WSCD2: variants seen among roughly 807,000 people sequenced by gnomAD.
WSCD2 encodes WSC domain sialate O sulfotransferase 2, also known as sialate:O-sulfotransferase 2.
In WSCD2, 28 loss-of-function variants were observed where a neutral mutation model predicts 55.7. That is an observed-to-expected ratio of 0.50 (90% confidence interval 0.37 to 0.69). WSCD2 has a LOEUF of 0.69. Ranked by LOEUF, WSCD2 falls within the 30% of genes least tolerant of loss-of-function variation. The pLI, the probability that WSCD2 is intolerant of heterozygous loss-of-function variation, is 0.00. For synonymous variants in WSCD2, 301 were observed against 301.9 expected (o/e 1.00, Z 0.03); for missense variants, 616 against 762.1 (o/e 0.81, Z 2.26).
chr12:108,147,028 A>G (rs995944149), intron 1 of WSCD2, among the ~76,000 whole-genome samples: 1 of 152,244 alleles, frequency 6.6e-6, no homozygotes, highest in Admixed American at 6.5e-5. Flanking sequence ...TCAAGTATAT[A>G]ATGAGAGTGA....
rs544504230 is a variant in WSCD2 at position 108,149,744 on chromosome 12, C to T, written c.-552+19818C>T. The T allele has an allele frequency of 5.3e-5, 8 of 152,314 alleles. 1 individual carries two copies. The highest frequency in any genetic ancestry group is 1.7e-4 in the African/African-American group (7 of 41,548). The allele number at this position is 152,314 out of a possible 1,614,324, so 9.4% of individuals were successfully genotyped here. ...TTGGTAAACAAGTATTTATTGAGCACCTGTTGTAGATACAACAGTGAACAA... is the reference window on the plus strand; with the variant it reads ...TTGGTAAACAAGTATTTATTGAGCATCTGTTGTAGATACAACAGTGAACAA... On this transcript the variant is annotated intron_variant, in intron 1 of 8. Coordinates refer to ENST00000547525, the MANE Select transcript of WSCD2 (RefSeq NM_014653.4).
intron 1 of WSCD2, among the ~76,000 whole-genome samples, chr12:108,176,558 C>T (rs904466670): frequency 6.6e-6 from 1 of 152,218 alleles, no homozygotes; most frequent in Non-Finnish European, 1.5e-5. Flanking sequence ...TGTTCATTCA[C>T]CATTTGTTTG....
chr12:108,153,026 C>A (rs1878170795), intron 1 of WSCD2, among the ~76,000 whole-genome samples: 1 of 152,074 alleles, frequency 6.6e-6, no homozygotes, highest in African/African-American at 2.4e-5. Context: ...ATCGCTTGAA[C>A]CTGGAGGCAG....
At chr12:108,227,845 C>T (rs115814201) in intron 6 of WSCD2, among the ~76,000 whole-genome samples, 1,675 of 151,818 alleles carry the variant, frequency 0.011, 20 homozygotes, top group African/African-American at 0.032. Flanking sequence ...ATAAGAGTGA[C>T]GCTGATAGTG....
rs975240664 is a variant in WSCD2 at position 108,175,741 on chromosome 12, G to A, written c.-551-19541G>A. Among the ~76,000 whole-genome samples the A allele has an allele frequency of 6.6e-5, 10 of 152,352 alleles. No individual in the cohort carries two copies. In the East Asian group the frequency reaches 1.3e-3, roughly 21 times the overall value. ...TCAGGCGCCTAGAATAAGTGAGCAG[G>A]CGTTAATCCTCTTGGAAGCATCCCT... On this transcript the variant is annotated intron_variant, in intron 1 of 8. Coordinates refer to ENST00000547525, the MANE Select transcript of WSCD2 (RefSeq NM_014653.4).
chr12:108,177,301 T>C (rs1483160467), intron 1 of WSCD2, among the ~76,000 whole-genome samples: 2 of 152,198 alleles, frequency 1.3e-5, no homozygotes, highest in Non-Finnish European at 2.9e-5. Context: ...TGAAGTAATG[T>C]GGAGAGAGCT....
Position 108,222,040 on chromosome 12 carries a change from C to T in WSCD2, c.683-2699C>T, listed in dbSNP as rs866826518. On this transcript the variant is annotated intron_variant, in intron 4 of 8. Transcript: ENST00000547525. ...CAATGAGCAACTTCAGGCTATCAGG[C>T]GCCATGTGGTAGAAAGAATCACTAG... Among the ~76,000 whole-genome samples the T allele has an allele frequency of 4.6e-5, 7 of 152,270 alleles. No homozygotes were observed. In the South Asian group the frequency reaches 8.3e-4, roughly 18 times the overall value.
Position 108,224,844 on chromosome 12 carries a change from A to G in WSCD2, c.788A>G (p.Asp263Gly). 1 of 1,613,548 alleles carries G rather than the reference A, an allele frequency of 6.2e-7. No homozygotes were observed. The highest frequency in any genetic ancestry group is 8.5e-7 in the Non-Finnish European group (1 of 1,180,016). Residue 263 changes from aspartate to glycine, a missense_variant, in exon 5 of 9, where the codon GAC becomes GGC. Coordinates refer to ENST00000547525, the MANE Select transcript of WSCD2 (RefSeq NM_014653.4). ...AACATGTCTGTGGACAAATGCGTGGACTTCTGCACTGAGAAGGTGAGCACA... is the reference window on the plus strand; with the variant it reads ...AACATGTCTGTGGACAAATGCGTGGGCTTCTGCACTGAGAAGGTGAGCACA... ...MLNMSVDKCV[D>G]FCTEKEYPLA...
chr12:108,149,675 C>T (rs149635240), intron 1 of WSCD2, among the ~76,000 whole-genome samples: 174 of 152,278 alleles, frequency 1.1e-3, no homozygotes, highest in African/African-American at 4.0e-3. Flanking sequence ...TCCCCCACCC[C>T]GCCACACACA....
Position 108,210,722 on chromosome 12 carries a change from T to C in WSCD2, c.682+417T>C, listed in dbSNP as rs902245192. 5.9e-5 allele frequency among the ~76,000 whole-genome samples: 9 copies of C among 152,224 alleles called. No homozygotes were observed. The highest frequency in any genetic ancestry group is 2.2e-4 in the African/African-American group (9 of 41,462). Reference sequence around the variant, plus strand: ...TCATATAGAATAGCACATCTAATCTTCACAATGACCCTTGACATAGGTACT... The same window carrying C: ...TCATATAGAATAGCACATCTAATCTCCACAATGACCCTTGACATAGGTACT... On this transcript the variant is annotated intron_variant, in intron 4 of 8. Transcript: ENST00000547525. This position sits in a 1 kb window ranked among gnomAD's most constrained non-coding sequence, Gnocchi z 4.3.
intron 4 of WSCD2, among the ~76,000 whole-genome samples, chr12:108,215,499 G>C (rs1886718705): frequency 2.0e-5 from 3 of 152,154 alleles, no homozygotes; most frequent in Admixed American, 2.0e-4. Flanking sequence ...ACTCCGAGAA[G>C]CACCCAATTC....
At chr12:108,136,467 G>A (rs796560843) in intron 1 of WSCD2, among the ~76,000 whole-genome samples, 2 of 152,158 alleles carry the variant, frequency 1.3e-5, no homozygotes, top group South Asian at 2.1e-4. Context: ...TGTGCTCCAA[G>A]GTGGCCCTGC....
Position 108,248,584 on chromosome 12 carries a change from G to A in WSCD2, c.*241G>A, listed in dbSNP as rs972425420. ...GGCAATGTGGGGCATCTTGTTTAGG[G>A]GGTTCTAGTTACATGGACTCTTTTC... On this transcript the variant is annotated 3_prime_UTR_variant, in exon 9 of 9. Coordinates refer to ENST00000547525, the MANE Select transcript of WSCD2 (RefSeq NM_014653.4). The surrounding 1 kb of genome is among the most constrained non-coding windows in gnomAD (Gnocchi z 4.3). The A allele has an allele frequency of 2.3e-6, 3 of 1,322,234 alleles. No homozygotes were observed. The African/African-American group carries it at 4.4e-5, about 19-fold the overall frequency. The allele number at this position is 1,322,234 out of a possible 1,614,324, so 81.9% of individuals were successfully genotyped here.
intron 1 of WSCD2, among the ~76,000 whole-genome samples, chr12:108,150,991 C>T (rs149741205): frequency 1.7e-4 from 26 of 152,138 alleles, no homozygotes; most frequent in Middle Eastern, 3.4e-3. Flanking sequence ...CGTGAGCCCA[C>T]GCCCTGGCCC....
intron 4 of WSCD2, among the ~76,000 whole-genome samples, chr12:108,221,304 C>T (rs1288431699): frequency 6.6e-6 from 1 of 152,160 alleles, no homozygotes; most frequent in Non-Finnish European, 1.5e-5. Flanking sequence ...CCTGTAATTC[C>T]AGCACTTTGG....
intron 1 of WSCD2, among the ~76,000 whole-genome samples, chr12:108,173,808 C>CTGTGTGTGTG (rs1300986533): frequency 6.9e-5 from 7 of 100,906 alleles, no homozygotes; most frequent in African/African-American, 2.3e-4. Context: ...ATTCCTGGCT[C>CTGTGTGTGTG]TCTGTGTGTG....
At chr12:108,145,754 A>G (rs1252222266) in intron 1 of WSCD2, among the ~76,000 whole-genome samples, 1 of 152,250 alleles carries the variant, frequency 6.6e-6, no homozygotes, top group Non-Finnish European at 1.5e-5. Context: ...TAAGTAAAAT[A>G]AGGTTTAGAC....
At chr12:108,164,058 C>A (rs1429440838) in intron 1 of WSCD2, among the ~76,000 whole-genome samples, 1 of 149,770 alleles carries the variant, frequency 6.7e-6, no homozygotes, top group Non-Finnish European at 1.5e-5. Flanking sequence ...CTCTACAGCC[C>A]AGGACCCATG....
chr12:108,167,877 G>T (rs375020597), intron 1 of WSCD2, among the ~76,000 whole-genome samples: 2 of 152,190 alleles, frequency 1.3e-5, no homozygotes, highest in Non-Finnish European at 2.9e-5. Flanking sequence ...GGTGAGTGTT[G>T]GGTCAACCCC....
Sources: gnomAD v4.1 joint callset for allele counts (sites outside exome capture counted in the v4.1 genomes callset) on GRCh38, gnomAD v4.1.1 for gene constraint, Gnocchi (gnomAD v3.1) non-coding constraint, MANE v1.5 for transcripts, NCBI Gene and HGNC (gene_info 2026-07-23, HGNC 2026-07-21) for gene names.